PEAK1: variants seen among roughly 807,000 people sequenced by gnomAD.
PEAK1 encodes inactive tyrosine-protein kinase PEAK1.
PEAK1 carries 54 observed loss-of-function variants against 124.7 expected under a neutral mutation model. The observed-to-expected ratio is 0.43, with a 90% CI of 0.35 to 0.54. The LOEUF (loss-of-function observed/expected upper bound fraction) is 0.54. PEAK1 is among the 20% of genes least tolerant of loss of function. PEAK1 has a pLI of 0.01. For missense variants in PEAK1, 2,046 were observed against 2,134.5 expected, an observed-to-expected ratio of 0.96 and a Z score of 0.82; for synonymous variants, 719 against 760.0, an observed-to-expected ratio of 0.95 and a Z score of 0.89.
At chr15:77,368,275 C>T (rs768244245) in intron 1 of PEAK1, among the ~76,000 whole-genome samples, 1 of 152,096 alleles carries the variant, frequency 6.6e-6, no homozygotes, top group Non-Finnish European at 1.5e-5. Flanking sequence ...CAGCAATTTA[C>T]GAGGCCAAGG....
intron 6 of PEAK1, among the ~76,000 whole-genome samples, chr15:77,227,520 T>C (rs1218303302): frequency 2.0e-5 from 3 of 152,112 alleles, no homozygotes; most frequent in Admixed American, 6.6e-5. Context: ...CAAATAAATA[T>C]ACAGAAAACA....
chr15:77,355,205 A>G (rs1479243398), intron 2 of PEAK1, among the ~76,000 whole-genome samples: 1 of 152,168 alleles, frequency 6.6e-6, no homozygotes, highest in African/African-American at 2.4e-5. Context: ...TAGTGGATTG[A>G]TTTCTTGCAG....
intron 5 of PEAK1, among the ~76,000 whole-genome samples, chr15:77,267,743 T>C (rs1265870877): frequency 6.6e-6 from 1 of 152,128 alleles, no homozygotes; most frequent in Non-Finnish European, 1.5e-5. Flanking sequence ...TTCCCTTTGA[T>C]ATAGTATACC....
At chr15:77,266,044 C>T (rs566689410) in intron 5 of PEAK1, among the ~76,000 whole-genome samples, 34 of 151,764 alleles carry the variant, frequency 2.2e-4, no homozygotes, top group Middle Eastern at 6.8e-3. Context: ...TAGGTGGGAA[C>T]TGAACAATGA....
intron 6 of PEAK1, among the ~76,000 whole-genome samples, chr15:77,245,993 A>G (rs1375500830): frequency 6.6e-6 from 1 of 151,816 alleles, no homozygotes; most frequent in South Asian, 2.1e-4. Flanking sequence ...GTCGACTCCT[A>G]TAAAAAAATA....
chr15:77,210,382 A>C (rs2058849393), intron 6 of PEAK1, among the ~76,000 whole-genome samples: 1 of 152,182 alleles, frequency 6.6e-6, no homozygotes, highest in Non-Finnish European at 1.5e-5. Context: ...TATATATGTA[A>C]TTCATTTGAA....
At chr15:77,240,154 A>G (rs1434569962) in intron 6 of PEAK1, among the ~76,000 whole-genome samples, 2 of 152,242 alleles carry the variant, frequency 1.3e-5, no homozygotes, top group Admixed American at 1.3e-4. Flanking sequence ...AAATGCTCAT[A>G]TCTTTATCAT....
Position 77,179,552 on chromosome 15 carries a change from C to A in PEAK1, c.2375G>T (p.Ser792Ile), listed in dbSNP as rs34885462. 0.014 allele frequency: 22,376 copies of A among 1,614,138 alleles called. 206 individuals are homozygous for A. The highest frequency in any genetic ancestry group is 0.016 in the Non-Finnish European group (18,945 of 1,180,012). The change falls in exon 7 of 10, where the codon AGT (serine) becomes ATT (isoleucine). Residue 792 changes from serine (S) to isoleucine (I), a missense_variant. Ser to Ile is a moderately radical substitution (Grantham distance 142, BLOSUM62 -2). Coordinates refer to ENST00000682557, the MANE Select transcript of PEAK1 (RefSeq NM_001385026.1). The stretch of plus-strand genomic sequence containing the variant: ...AGGAATGGCATAAAGCTCTTCCACA[C>A]TGCAAGCTTTAGGGCCAGATTGAGG... ...ETPQSGPKAC[S>I]VEELYAIPPD...
chr15:77,349,788 T>C (rs2067097074), intron 2 of PEAK1: 2 of 984,980 alleles, frequency 2.0e-6, no homozygotes, highest in African/African-American at 1.7e-5. Flanking sequence ...AGGTTACAAA[T>C]ACTGCATTGT....
At chr15:77,249,553 A>C (rs2060747348) in intron 6 of PEAK1, among the ~76,000 whole-genome samples, 1 of 152,202 alleles carries the variant, frequency 6.6e-6, no homozygotes, top group African/African-American at 2.4e-5. Flanking sequence ...TTTTGGACAC[A>C]ACCAGCTTGG....
At chr15:77,107,669 C>G (rs1270759875), downstream of PEAK1, 1 of 152,240 alleles carries the variant, frequency 6.6e-6, no homozygotes, top group Non-Finnish European at 1.5e-5. Context: ...GCTTGTCTGC[C>G]TTTGTGAGGC....
intron 6 of PEAK1, among the ~76,000 whole-genome samples, chr15:77,236,914 C>T (rs1360378188): frequency 6.6e-6 from 1 of 152,130 alleles, no homozygotes; most frequent in Non-Finnish European, 1.5e-5. Flanking sequence ...TTCCTGCTGC[C>T]TTGTGAAGAA....
intron 6 of PEAK1, among the ~76,000 whole-genome samples, chr15:77,243,296 T>A (rs754761159): frequency 3.9e-5 from 6 of 152,234 alleles, no homozygotes; most frequent in Non-Finnish European, 7.3e-5. Flanking sequence ...GCAACTCATA[T>A]CTGATTTATA....
chr15:77,142,786 G>A lies in PEAK1; in HGVS notation c.3332-9036C>T, dbSNP rs566706426. ...TATGAAATTTCCAGAAATATATAAA[G>A]GCATAGAGACAGAAAGTAGATTAGC... On this transcript the variant is annotated intron_variant, in intron 8 of 9. Transcript: ENST00000682557. 1.1e-4 allele frequency among the ~76,000 whole-genome samples: 17 copies of A among 152,248 alleles called. No individual in the cohort carries two copies. The South Asian group carries it at 2.9e-3, about 26-fold the overall frequency.
At chr15:77,118,536 T>A (rs12904384) in intron 9 of PEAK1, among the ~76,000 whole-genome samples, 2 of 152,006 alleles carry the variant, frequency 1.3e-5, no homozygotes, top group African/African-American at 4.8e-5. Context: ...TCCTGTCAAA[T>A]TTTTTCCTTC....
At chr15:77,350,965 TCAATACA>T (rs2067172467) in intron 2 of PEAK1, 3 of 983,490 alleles carry the variant, frequency 3.1e-6, no homozygotes, top group Non-Finnish European at 3.6e-6. Context: ...CACTCTTCAT[TCAATACA>T]CATCTATTAA....
intron 2 of PEAK1, among the ~76,000 whole-genome samples, chr15:77,359,312 T>C (rs1454212489): frequency 6.6e-6 from 1 of 151,880 alleles, no homozygotes; most frequent in Non-Finnish European, 1.5e-5. Flanking sequence ...TGGTGGCGCC[T>C]GCCTGTAGTC....
At chr15:77,278,888 A>G in intron 5 of PEAK1, 1 of 276,838 alleles carries the variant, frequency 3.6e-6, no homozygotes, top group Non-Finnish European at 6.7e-6. Flanking sequence ...GCTGGAGTGC[A>G]ATGGCATCAT....
Position 77,114,393 on chromosome 15 carries a change from C to T in PEAK1, c.5004G>A (p.Trp1668Ter). 6.2e-7 allele frequency: 1 copy of T among 1,614,134 alleles called. No individual in the cohort carries two copies. The highest frequency in any genetic ancestry group is 8.5e-7 in the Non-Finnish European group (1 of 1,180,010). The change falls in exon 10 of 10, where the codon TGG becomes TGA. Residue 1668 changes from tryptophan (W) to a stop codon, truncating the protein, a stop_gained. Transcript: ENST00000682557. LOFTEE classifies it high-confidence loss of function. ...DAKGILQCLL[W>*]GPREDLFQTF... ...TCTGGAAGAGATCTTCGCGGGGGCC[C>T]CAGAGCAGACACTGGAGGATGCCTT...
Sources: gnomAD v4.1 joint callset for allele counts (sites outside exome capture counted in the v4.1 genomes callset) on GRCh38, gnomAD v4.1.1 for gene constraint, MANE v1.5 for transcripts, NCBI Gene and HGNC (gene_info 2026-07-23, HGNC 2026-07-21) for gene names.